The following BRD10 variants were observed in gnomAD, a reference collection of about 807,000 sequenced individuals.
BRD10 encodes uncharacterized bromodomain-containing protein 10.
the BRD10 span, among the ~76,000 whole-genome samples, chr9:5,973,669 G>C: frequency 1.3e-5 from 2 of 152,028 alleles, no homozygotes; most frequent in Non-Finnish European, 2.9e-5. Flanking sequence ...TGGGAGGATA[G>C]CTTAAGCCCA....
chr9:5,944,875 T>C, the BRD10 span: 1 of 1,513,924 alleles, frequency 6.6e-7, no homozygotes, highest in East Asian at 2.5e-5. Context: ...ACCTACCGAT[T>C]TTTTTCTACT....
chr9:5,920,935 G>T, the BRD10 span: 1 of 1,613,940 alleles, frequency 6.2e-7, no homozygotes, highest in Non-Finnish European at 8.5e-7. Context: ...TTCTTGAAGA[G>T]GTATCATTTC....
chr9:5,976,680 T>C, the BRD10 span, among the ~76,000 whole-genome samples: 8 of 152,094 alleles, frequency 5.3e-5, no homozygotes, highest in Non-Finnish European at 7.4e-5. Context: ...ATGTGACACT[T>C]TGTTTTTTTC....
At chr9:5,919,959 G>T in the BRD10 span, 2 of 1,613,890 alleles carry the variant, frequency 1.2e-6, no homozygotes, top group African/African-American at 2.7e-5. Flanking sequence ...TTAGCCAAAA[G>T]AGTAGCTGGA....
At chr9:5,935,514 G>A in the BRD10 span, among the ~76,000 whole-genome samples, 1 of 152,158 alleles carries the variant, frequency 6.6e-6, no homozygotes, top group Non-Finnish European at 1.5e-5. Context: ...AGAATGAACC[G>A]TGGACTAGAA....
chr9:5,920,737 A>G, the BRD10 span: 1 of 1,613,940 alleles, frequency 6.2e-7, no homozygotes, highest in Non-Finnish European at 8.5e-7. Context: ...TAGGGGATGT[A>G]GTCGCAGGTG....
At chr9:5,902,810 T>G in the BRD10 span, among the ~76,000 whole-genome samples, 1 of 152,120 alleles carries the variant, frequency 6.6e-6, no homozygotes, top group Non-Finnish European at 1.5e-5. Flanking sequence ...CTCTGCTGAT[T>G]TCTTGTTTTC....
the BRD10 span, among the ~76,000 whole-genome samples, chr9:5,999,800 T>A: frequency 6.6e-6 from 1 of 152,250 alleles, no homozygotes; most frequent in African/African-American, 2.4e-5. Context: ...TCTTTCTATA[T>A]CCATCTTTGA....
the BRD10 span, chr9:6,008,281 C>T: frequency 4.1e-6 from 4 of 984,384 alleles, no homozygotes; most frequent in Non-Finnish European, 2.4e-6. Flanking sequence ...CCCCCTCTAC[C>T]TGCGGGGGAC....
At chr9:5,903,870 T>G in the BRD10 span, among the ~76,000 whole-genome samples, 1 of 152,090 alleles carries the variant, frequency 6.6e-6, no homozygotes, top group Non-Finnish European at 1.5e-5. Flanking sequence ...TTACTTTTTT[T>G]TTTTTGAGAC....
the BRD10 span, among the ~76,000 whole-genome samples, chr9:5,885,839 A>T: frequency 6.6e-6 from 1 of 152,154 alleles, no homozygotes; most frequent in Non-Finnish European, 1.5e-5. Flanking sequence ...CGGGGTGAGG[A>T]CTCAGTAGTG....
the BRD10 span, among the ~76,000 whole-genome samples, chr9:5,945,403 A>G: frequency 6.6e-6 from 1 of 152,148 alleles, no homozygotes; most frequent in Non-Finnish European, 1.5e-5. Flanking sequence ...TGCTAACTAT[A>G]CAATTTAACA....
chr9:5,945,073 T>C, the BRD10 span: 1 of 470,648 alleles, frequency 2.1e-6, no homozygotes, highest in South Asian at 5.1e-5. Flanking sequence ...TTCTCTGTAA[T>C]AGTAAAAAGC....
At chr9:5,965,056 TAAA>T in the BRD10 span, among the ~76,000 whole-genome samples, 73 of 118,240 alleles carry the variant, frequency 6.2e-4, no homozygotes, top group Admixed American at 1.1e-3. Context: ...TAAAGTATAA[TAAA>T]AAAAAAAAAA....
chr9:5,969,029 G>A, the BRD10 span: 1 of 1,611,584 alleles, frequency 6.2e-7, no homozygotes, highest in Non-Finnish European at 8.5e-7. Flanking sequence ...AAAAAACTGA[G>A]GACACAACCC....
At chr9:5,958,563 G>A in the BRD10 span, among the ~76,000 whole-genome samples, 2 of 152,180 alleles carry the variant, frequency 1.3e-5, no homozygotes, top group Non-Finnish European at 2.9e-5. Flanking sequence ...GAGGTGAGAG[G>A]ATGGCTTGCG....
At chr9:5,890,556 C>G in the BRD10 span, among the ~76,000 whole-genome samples, 3 of 152,082 alleles carry the variant, frequency 2.0e-5, no homozygotes, top group African/African-American at 7.2e-5. Flanking sequence ...ACTTAGACAT[C>G]AATTAGGTTG....
the BRD10 span, among the ~76,000 whole-genome samples, chr9:5,970,382 A>T: frequency 4.6e-5 from 7 of 152,244 alleles, no homozygotes; most frequent in African/African-American, 1.7e-4. Flanking sequence ...AGTGTTGCAA[A>T]AGTAAATAAT....
the BRD10 span, among the ~76,000 whole-genome samples, chr9:5,899,878 G>A: frequency 1.1e-4 from 16 of 152,278 alleles, no homozygotes; most frequent in African/African-American, 3.4e-4. Context: ...CCATTGAGTT[G>A]CTTGGAGACT....
Sources: gnomAD v4.1 joint callset for allele counts (sites outside exome capture counted in the v4.1 genomes callset) on GRCh38, gnomAD v4.1.1 for gene constraint, MANE v1.5 for transcripts, NCBI Gene and HGNC (gene_info 2026-07-23, HGNC 2026-07-21) for gene names.